Variants in SLC5A4 observed in about 807,000 individuals in gnomAD.
The protein encoded by SLC5A4 is solute carrier family 5 member 4, also known as probable glucose sensor protein SLC5A4.
SLC5A4 carries 55 observed loss-of-function variants against 70.3 expected under a neutral mutation model. The ratio of observed to expected loss-of-function variants is 0.78; its 90% confidence interval spans 0.63 to 0.98. The LOEUF (loss-of-function observed/expected upper bound fraction) is 0.98. Among genes scored for constraint, SLC5A4 ranks in the 50% least tolerant of loss-of-function variants. The pLI is 0.00. For synonymous variants in SLC5A4, 268 were observed against 305.7 expected (o/e 0.88, Z 1.29); for missense variants, 735 against 839.2 (o/e 0.88, Z 1.53).
the SLC5A4 span, among the ~76,000 whole-genome samples, chr22:32,311,364 G>A: frequency 2.6e-5 from 4 of 152,326 alleles, no homozygotes; most frequent in South Asian, 8.3e-4. Context: ...ATTAAGCAGG[G>A]CCTCCTGAGC....
chr22:32,276,022 G>A, the SLC5A4 span, among the ~76,000 whole-genome samples: 1 of 152,126 alleles, frequency 6.6e-6, no homozygotes, highest in Non-Finnish European at 1.5e-5. Flanking sequence ...CTTCTTTTGA[G>A]AAGTGTCTGT....
chr22:32,249,271 C>T (rs1243226807), intron 3 of SLC5A4, among the ~76,000 whole-genome samples: 1 of 152,210 alleles, frequency 6.6e-6, no homozygotes, highest in African/African-American at 2.4e-5. Context: ...ACGCTGCTCT[C>T]AGCCTAAGTG....
the SLC5A4 span, among the ~76,000 whole-genome samples, chr22:32,298,817 A>G: frequency 0.44 from 36,539 of 82,824 alleles, 8,830 homozygotes; most frequent in East Asian, 0.59. Context: ...CATGTTTAGC[A>G]CTTCCTTCAG....
chr22:32,271,358 T>A, the SLC5A4 span: 1 of 739,020 alleles, frequency 1.4e-6, no homozygotes, highest in Non-Finnish European at 2.4e-6. Flanking sequence ...TGCTGCTGGT[T>A]GTGCTGGGCA....
chr22:32,299,005 G>A, the SLC5A4 span, among the ~76,000 whole-genome samples: 974 of 115,380 alleles, frequency 8.4e-3, no homozygotes, highest in African/African-American at 0.012. Context: ...TGGCTTGTAG[G>A]GTTTCTGCCG....
At chr22:32,232,190 C>A (rs1925799277) in intron 9 of SLC5A4, among the ~76,000 whole-genome samples, 1 of 152,128 alleles carries the variant, frequency 6.6e-6, no homozygotes, top group African/African-American at 2.4e-5. Flanking sequence ...ATAAACATTA[C>A]AAAGCTGCAG....
the SLC5A4 span, among the ~76,000 whole-genome samples, chr22:32,323,617 G>A: frequency 2.6e-5 from 4 of 152,240 alleles, no homozygotes; most frequent in Non-Finnish European, 5.9e-5. Flanking sequence ...GGAACAGAGG[G>A]AGCCCAGGGG....
At chr22:32,311,542 C>A in the SLC5A4 span, among the ~76,000 whole-genome samples, 1 of 152,184 alleles carries the variant, frequency 6.6e-6, no homozygotes. Flanking sequence ...ATGTTACGGG[C>A]ATCTAGGCTT....
chr22:32,241,616 G>A (rs111404202), intron 5 of SLC5A4, among the ~76,000 whole-genome samples: 14 of 152,088 alleles, frequency 9.2e-5, no homozygotes, highest in African/African-American at 3.1e-4. Flanking sequence ...AGGCCAAAGC[G>A]GGTGGATCAC....
rs564848800 is a variant in SLC5A4, at chr22:32,254,760, C to T, written c.135+435G>A. 1.1e-3 allele frequency among the ~76,000 whole-genome samples: 163 copies of T among 151,356 alleles called. 1 individual carries two copies. Among genetic ancestry groups the T allele is most frequent in the African/African-American group, 3.8e-3 (157 of 41,220 alleles). On this transcript the variant is annotated intron_variant, in intron 1 of 14. Transcript: ENST00000266086. ...CGGAGCTTGCAGTGAGCCAAGCAAG[C>T]GCCACTGCACTCCAGCCTGGACGAC...
chr22:32,306,247 C>T, the SLC5A4 span, among the ~76,000 whole-genome samples: 2 of 152,056 alleles, frequency 1.3e-5, no homozygotes, highest in Non-Finnish European at 2.9e-5. Flanking sequence ...AGGCAGATCA[C>T]GAGGTTAGGA....
At chr22:32,244,583 G>A (rs1926714747) in intron 5 of SLC5A4, among the ~76,000 whole-genome samples, 2 of 152,136 alleles carry the variant, frequency 1.3e-5, no homozygotes, top group South Asian at 4.1e-4. Flanking sequence ...CTCACGCTGT[G>A]GTGCAATGGC....
the SLC5A4 span, among the ~76,000 whole-genome samples, chr22:32,344,171 T>C: frequency 3.2e-4 from 49 of 152,262 alleles, no homozygotes; most frequent in Middle Eastern, 3.4e-3. Context: ...ACGTGTGACA[T>C]TGGATGAGTC....
At chr22:32,286,533 G>GT in the SLC5A4 span, among the ~76,000 whole-genome samples, 1 of 152,166 alleles carries the variant, frequency 6.6e-6, no homozygotes, top group East Asian at 1.9e-4. Flanking sequence ...ACAACCCTTT[G>GT]TTTTTTACCT....
At chr22:32,305,990 T>TC in the SLC5A4 span, among the ~76,000 whole-genome samples, 4 of 151,978 alleles carry the variant, frequency 2.6e-5, no homozygotes, top group Non-Finnish European at 5.9e-5. Context: ...CGTGCCCAGT[T>TC]CCCCCTAACA....
chr22:32,317,598 G>A, the SLC5A4 span, among the ~76,000 whole-genome samples: 4 of 152,228 alleles, frequency 2.6e-5, no homozygotes, highest in Non-Finnish European at 4.4e-5. Flanking sequence ...GTGTAGCTAA[G>A]ACTACAGGTG....
chr22:32,245,964 C>A (rs1926799728), intron 5 of SLC5A4, among the ~76,000 whole-genome samples: 1 of 152,254 alleles, frequency 6.6e-6, no homozygotes, highest in African/African-American at 2.4e-5. Flanking sequence ...CCTCGCCTAA[C>A]CTTCCCATCC....
chr22:32,331,266 C>T, the SLC5A4 span, among the ~76,000 whole-genome samples: 1 of 151,764 alleles, frequency 6.6e-6, no homozygotes, highest in African/African-American at 2.4e-5. Context: ...ATTGTAGGTG[C>T]TCTGGGAGAG....
the SLC5A4 span, among the ~76,000 whole-genome samples, chr22:32,300,866 T>C: frequency 6.6e-6 from 1 of 152,252 alleles, no homozygotes; most frequent in Non-Finnish European, 1.5e-5. Context: ...AAAGTTGCCA[T>C]AAACATTATT....
Sources: gnomAD v4.1 joint callset for allele counts (sites outside exome capture counted in the v4.1 genomes callset) on GRCh38, gnomAD v4.1.1 for gene constraint, MANE v1.5 for transcripts, NCBI Gene and HGNC (gene_info 2026-07-23, HGNC 2026-07-21) for gene names.